KCNIP4: variants seen among roughly 807,000 people sequenced by gnomAD.
KCNIP4 encodes the protein potassium voltage-gated channel interacting protein 4.
Under a neutral mutation model 34.0 loss-of-function variants are expected in KCNIP4, and 12 were observed. The ratio of observed to expected loss-of-function variants is 0.35; its 90% CI spans 0.23 to 0.57. The LOEUF (loss-of-function observed/expected upper bound fraction) is 0.57, where lower values mean the gene tolerates loss of function less well. Ranked by LOEUF, KCNIP4 falls within the 20% of genes least tolerant of loss-of-function variation. KCNIP4 has a pLI of 0.83. For synonymous variants in KCNIP4, 124 were observed against 102.2 expected, an observed-to-expected ratio of 1.21 and a Z score of -1.29; for missense variants, 238 against 311.7, an observed-to-expected ratio of 0.76 and a Z score of 1.78.
intron 1 of KCNIP4, among the ~76,000 whole-genome samples, chr4:21,673,261 C>T (rs540103118): frequency 3.3e-5 from 5 of 152,176 alleles, no homozygotes; most frequent in South Asian, 4.1e-4. Flanking sequence ...TACCCGCCTA[C>T]GGCCACAGTT....
chr4:21,250,789 A>G (rs748963739), intron 1 of KCNIP4, among the ~76,000 whole-genome samples: 8 of 151,930 alleles, frequency 5.3e-5, no homozygotes, highest in Non-Finnish European at 8.8e-5. Context: ...TAAAGCGAGG[A>G]TGGGAAAGGC....
chr4:21,941,362 G>T (rs1730195143), intron 1 of KCNIP4, among the ~76,000 whole-genome samples: 1 of 152,072 alleles, frequency 6.6e-6, no homozygotes, highest in Non-Finnish European at 1.5e-5. Flanking sequence ...TTTTGATTCT[G>T]ATCTGGGCTA....
At chr4:21,714,225 C>G (rs115060875) in intron 1 of KCNIP4, among the ~76,000 whole-genome samples, 2,015 of 152,268 alleles carry the variant, frequency 0.013, 43 homozygotes, top group African/African-American at 0.044. Flanking sequence ...GCTGTATTTT[C>G]AAAGGCTCCT....
chr4:20,915,659 GA>G (rs1480588259), intron 1 of KCNIP4, among the ~76,000 whole-genome samples: 1 of 151,804 alleles, frequency 6.6e-6, no homozygotes, highest in East Asian at 1.9e-4. Context: ...AAACAAGGAA[GA>G]AAATACATAC....
At chr4:21,136,012 T>G (rs2109190479) in intron 1 of KCNIP4, among the ~76,000 whole-genome samples, 1 of 152,336 alleles carries the variant, frequency 6.6e-6, no homozygotes, top group South Asian at 2.1e-4. Context: ...TTATTACATC[T>G]TCCAAAACAA....
chr4:21,697,409 C>T, intron 1 of KCNIP4: 1 of 1,561,400 alleles, frequency 6.4e-7, no homozygotes, highest in Non-Finnish European at 8.6e-7. Context: ...CAGTATTTCA[C>T]GTTTACACCG....
At chr4:21,428,416 T>C (rs557311668) in intron 1 of KCNIP4, among the ~76,000 whole-genome samples, 1 of 152,102 alleles carries the variant, frequency 6.6e-6, no homozygotes, top group African/African-American at 2.4e-5. Flanking sequence ...AAAAGTTAAG[T>C]TTCTTCAACT....
chr4:21,412,012 C>T (rs940786321), intron 1 of KCNIP4, among the ~76,000 whole-genome samples: 14 of 152,120 alleles, frequency 9.2e-5, no homozygotes, highest in Admixed American at 4.6e-4. Flanking sequence ...ATTATCCCCA[C>T]GTATGGGGCA....
rs1560803417 is a variant in KCNIP4 at position 21,200,367 on chromosome 4, CAT to C, written c.62-317660_62-317659del. Among the ~76,000 whole-genome samples the C allele has an allele frequency of 1.2e-3, 114 of 94,206 alleles. 8 individuals are homozygous for C. The highest frequency in any genetic ancestry group is 7.7e-3 in the African/African-American group (98 of 12,690). 61.8% of individuals were successfully genotyped at this position (94,206 alleles called of 152,430 possible). On this transcript the variant is annotated intron_variant, in intron 1 of 8. Transcript: ENST00000382152. Reference sequence around the variant, plus strand: ...ACATATATGTGTGTATATATATATACATACATATATGTGTGTATATATATATA... The same window carrying C: ...ACATATATGTGTGTATATATATATACACATATATGTGTGTATATATATATA...
At chr4:21,634,554 T>A (rs745678330) in intron 1 of KCNIP4, among the ~76,000 whole-genome samples, 1 of 152,064 alleles carries the variant, frequency 6.6e-6, no homozygotes, top group Non-Finnish European at 1.5e-5. Context: ...ACAGTGAACA[T>A]GATAAAGAAA....
chr4:20,893,599 T>G (rs1726183506), intron 1 of KCNIP4, among the ~76,000 whole-genome samples: 1 of 151,580 alleles, frequency 6.6e-6, no homozygotes, highest in Admixed American at 6.6e-5. Context: ...TTTTTTTTTT[T>G]TTTTTGTAGA....
At chr4:21,234,236 T>TATTATATATAACATATATTATATATAAC (rs1199709471) in intron 1 of KCNIP4, among the ~76,000 whole-genome samples, 1 of 38,926 alleles carries the variant, frequency 2.6e-5, no homozygotes, top group African/African-American at 2.6e-4. Flanking sequence ...ATATATAACA[T>TATTATATATAACATATATTATATATAAC]ATATATAACA....
rs987516476 is a variant in KCNIP4, at chr4:21,425,669, G to C, written c.61+522902C>G. On this transcript the variant is annotated intron_variant, in intron 1 of 8. Coordinates refer to ENST00000382152, the MANE Select transcript of KCNIP4 (RefSeq NM_025221.6). ...TTACTATAATTCTTTCAGAAGTTAT[G>C]ATGATATAAATTACATTTTAAAATA... Among the ~76,000 whole-genome samples, 13 of 152,206 alleles carry C rather than the reference G, an allele frequency of 8.5e-5. No homozygotes were observed. The South Asian group carries it at 2.7e-3, about 32-fold the overall frequency.
chr4:20,997,500 A>G lies in KCNIP4; in HGVS notation c.62-114791T>C, dbSNP rs563840801. On this transcript the variant is annotated intron_variant, in intron 1 of 8. Transcript: ENST00000382152. Reference sequence around the variant, plus strand: ...ACTGGCTCTGACTAGTGAAATAATTAAAAGGTATTGTAGGGAATCTGGGAT... The same window carrying G: ...ACTGGCTCTGACTAGTGAAATAATTGAAAGGTATTGTAGGGAATCTGGGAT... Among the ~76,000 whole-genome samples the G allele has an allele frequency of 3.9e-5, 6 of 152,292 alleles. No individual in the cohort carries two copies. The East Asian group carries it at 1.2e-3, about 30-fold the overall frequency.
chr4:21,229,724 C>T (rs531373528), intron 1 of KCNIP4, among the ~76,000 whole-genome samples: 69 of 152,068 alleles, frequency 4.5e-4, no homozygotes, highest in African/African-American at 1.5e-3. Flanking sequence ...TCATTGGAGG[C>T]GAGAGTAAAA....
intron 1 of KCNIP4, among the ~76,000 whole-genome samples, chr4:21,201,329 G>A (rs1429020238): frequency 6.6e-6 from 1 of 152,160 alleles, no homozygotes; most frequent in Non-Finnish European, 1.5e-5. Context: ...AAAAGAACAG[G>A]AGGTGAAATA....
At chr4:20,942,345 C>T (rs1229133378) in intron 1 of KCNIP4, among the ~76,000 whole-genome samples, 1 of 152,230 alleles carries the variant, frequency 6.6e-6, no homozygotes, top group Non-Finnish European at 1.5e-5. Context: ...ACTGAAGGAA[C>T]TCAGCCCAGG....
chr4:21,572,465 C>A (rs1269706115), intron 1 of KCNIP4, among the ~76,000 whole-genome samples: 11 of 151,994 alleles, frequency 7.2e-5, no homozygotes, highest in Admixed American at 7.2e-4. Context: ...CCAATAAAAA[C>A]CACAAAACTC....
intron 1 of KCNIP4, among the ~76,000 whole-genome samples, chr4:20,947,268 A>C (rs1732285285): frequency 6.6e-6 from 1 of 152,192 alleles, no homozygotes; most frequent in Non-Finnish European, 1.5e-5. Context: ...TCCCAGCTTC[A>C]AGTGATCCTC....
Sources: gnomAD v4.1 joint callset for allele counts (sites outside exome capture counted in the v4.1 genomes callset) on GRCh38, gnomAD v4.1.1 for gene constraint, MANE v1.5 for transcripts, NCBI Gene and HGNC (gene_info 2026-07-23, HGNC 2026-07-21) for gene names.